The following TECPR2 variants were observed in gnomAD, a reference collection of about 807,000 sequenced individuals.
TECPR2 encodes the protein tectonin beta-propeller repeat containing 2.
A neutral mutation model predicts 138.1 loss-of-function variants in TECPR2; 65 were observed. That is an observed-to-expected ratio of 0.47 (90% CI 0.39 to 0.58). The LOEUF (loss-of-function observed/expected upper bound fraction) is 0.58, where lower values mean the gene tolerates loss of function less well. Ranked by LOEUF, TECPR2 falls within the 20% of genes least tolerant of loss-of-function variation. TECPR2 has a pLI of 0.00. For synonymous variants in TECPR2, 746 were observed against 749.8 expected (o/e 0.99, Z 0.08); for missense variants, 1,553 against 1,824.5 (o/e 0.85, Z 2.71).
At position 102,496,988 on chromosome 14, in the gene TECPR2, G is replaced by T; in HGVS notation, c.3799G>T (p.Val1267Phe). ...MIEPPVQPAG[V>F]SLVSVHSSPN... ...CCCTTCCCGCTTCCAGCCCGCCGGG[G>T]TCAGCTTGGTCAGCGTCCATTCCAG... The change falls in exon 18 of 20, where the codon GTC (valine) becomes TTC (phenylalanine). Residue 1267 changes from valine (V) to phenylalanine (F), a missense_variant. Transcript: ENST00000359520. 5 of 1,613,940 alleles carry T rather than the reference G, an allele frequency of 3.1e-6. No homozygotes were observed. Among genetic ancestry groups the T allele is most frequent in the Non-Finnish European group, 3.4e-6 (4 of 1,179,982 alleles).
Position 102,432,118 on chromosome 14 carries a change from G to A in TECPR2, c.1407G>A (p.Lys469=), listed in dbSNP as rs1266739386. 3 of 1,579,086 alleles carry A rather than the reference G, an allele frequency of 1.9e-6. No homozygotes were observed. Among genetic ancestry groups the A allele is most frequent in the Middle Eastern group, 3.4e-4 (2 of 5,942 alleles). The change falls in exon 8 of 20, where the codon AAG becomes AAA. Residue 469 remains lysine (K), a synonymous_variant. Coordinates refer to ENST00000359520, the MANE Select transcript of TECPR2 (RefSeq NM_014844.5). Reference sequence around the variant, plus strand: ...TCAAAGTGAAAAGGAAGAAGAAGAAGAAGAAGACAGGTACCCTCTGTAGCT... The same window carrying A: ...TCAAAGTGAAAAGGAAGAAGAAGAAAAAGAAGACAGGTACCCTCTGTAGCT... ...KPIKVKRKKK[K]KKTEGGSRST...
chr14:102,375,539 C>T (rs1259875171), intron 1 of TECPR2, among the ~76,000 whole-genome samples: 1 of 152,052 alleles, frequency 6.6e-6, no homozygotes, highest in South Asian at 2.1e-4. Flanking sequence ...GGGGTGAGAA[C>T]GAGCTGGATT....
chr14:102,392,702 A>G (rs980382299), intron 2 of TECPR2, among the ~76,000 whole-genome samples: 2 of 152,200 alleles, frequency 1.3e-5, no homozygotes, highest in Non-Finnish European at 2.9e-5. Context: ...AATTACGAGC[A>G]ATGTGGCTGA....
At chr14:102,410,085 A>C (rs2139696512) in intron 4 of TECPR2, among the ~76,000 whole-genome samples, 1 of 152,320 alleles carries the variant, frequency 6.6e-6, no homozygotes, top group South Asian at 2.1e-4. Context: ...CTGGGATTAC[A>C]GGCGTGAGCC....
chr14:102,380,134 G>A (rs571844874), intron 2 of TECPR2, among the ~76,000 whole-genome samples: 3 of 148,350 alleles, frequency 2.0e-5, no homozygotes, highest in African/African-American at 7.5e-5. Flanking sequence ...CATGCACAGA[G>A]GCGTCCTGGT....
chr14:102,385,315 G>A (rs539404277), intron 2 of TECPR2, among the ~76,000 whole-genome samples: 1 of 152,040 alleles, frequency 6.6e-6, no homozygotes, highest in Non-Finnish European at 1.5e-5. Flanking sequence ...ATTCATGAGG[G>A]ATCTACCCCC....
intron 16 of TECPR2, among the ~76,000 whole-genome samples, chr14:102,462,059 A>T (rs1426747535): frequency 6.6e-6 from 1 of 151,974 alleles, no homozygotes; most frequent in African/African-American, 2.4e-5. Flanking sequence ...GTAGTCTTTT[A>T]TATGTGTTCT....
Position 102,452,641 on chromosome 14 carries a change from G to T in TECPR2, c.3640+14G>T, listed in dbSNP as rs780827549. 88 of 1,561,944 alleles carry T rather than the reference G, an allele frequency of 5.6e-5. No individual in the cohort carries two copies. Among genetic ancestry groups the T allele is most frequent in the Admixed American group, 7.5e-5 (4 of 53,106 alleles). On this transcript the variant is annotated intron_variant, in intron 16 of 19. Coordinates refer to ENST00000359520, the MANE Select transcript of TECPR2 (RefSeq NM_014844.5). ...TCTCCCAGCTAGGTACGGCCACCTC[G>T]TGAGTACACCTGCCGGTGCCCTGAC...
chr14:102,431,842 G>A lies in TECPR2; in HGVS notation c.1131G>A (p.Val377=), dbSNP rs1221063069. ...CTGGATGCTCAGAGCGTGTCCACGT[G>A]CAGCAAGCGGAGAAGCTGCCAGGGG... is the stretch of plus-strand genomic sequence containing the variant. ...EMSGCSERVH[V]QQAEKLPGAT... The change falls in exon 8 of 20, where the codon GTG becomes GTA. Residue 377 remains valine, a synonymous_variant. Transcript: ENST00000359520. 2.5e-6 allele frequency: 4 copies of A among 1,597,808 alleles called. No homozygotes were observed. The highest frequency in any genetic ancestry group is 3.4e-6 in the Non-Finnish European group (4 of 1,167,102).
intron 2 of TECPR2, among the ~76,000 whole-genome samples, chr14:102,384,844 T>TC (rs1887951612): frequency 7.1e-6 from 1 of 141,426 alleles, no homozygotes; most frequent in South Asian, 2.2e-4. Context: ...TCTTTTCCTT[T>TC]CCTTTTTTTT....
chr14:102,387,054 G>T (rs1431994185), intron 2 of TECPR2, among the ~76,000 whole-genome samples: 1 of 152,172 alleles, frequency 6.6e-6, no homozygotes, highest in African/African-American at 2.4e-5. Flanking sequence ...GAAAGTTAAA[G>T]ATGCATTAAC....
intron 7 of TECPR2, among the ~76,000 whole-genome samples, chr14:102,430,029 C>T (rs917044221): frequency 6.6e-6 from 1 of 152,006 alleles, no homozygotes. Context: ...TGCAGTGGTG[C>T]AGTCTCTGGT....
chr14:102,384,668 C>T (rs1220538804), intron 2 of TECPR2, among the ~76,000 whole-genome samples: 9 of 132,760 alleles, frequency 6.8e-5, no homozygotes, highest in African/African-American at 1.6e-4. Flanking sequence ...TGGAGCAAGA[C>T]ACCACCTCAA....
At chr14:102,437,940 C>T (rs2075443918) in intron 9 of TECPR2, 82 bp from the exon 10 acceptor site, 1 of 1,485,872 alleles carries the variant, frequency 6.7e-7, no homozygotes, top group Non-Finnish European at 9.1e-7. Context: ...TAATGATATC[C>T]TCTCACCTTT....
rs545976400 is a variant in TECPR2, at chr14:102,392,909, C to G, written c.220-14429C>G. On this transcript the variant is annotated intron_variant, in intron 2 of 19. Coordinates refer to ENST00000359520, the MANE Select transcript of TECPR2 (RefSeq NM_014844.5). ...TGGGGCAGGCTTATGATGACACATT[C>G]TTCGGAAAGATTCTTTTTTATTCGT... 8.5e-5 allele frequency among the ~76,000 whole-genome samples: 13 copies of G among 152,310 alleles called. No individual in the cohort carries two copies. The East Asian group carries it at 2.5e-3, about 29-fold the overall frequency.
intron 1 of TECPR2, among the ~76,000 whole-genome samples, chr14:102,366,381 C>CTT (rs2139645140): frequency 6.6e-6 from 1 of 152,288 alleles, no homozygotes; most frequent in Admixed American, 6.5e-5. Context: ...AAATATCACT[C>CTT]TGTCACCCAG....
chr14:102,470,836 T>C (rs1181647857), intron 17 of TECPR2, among the ~76,000 whole-genome samples: 1 of 137,230 alleles, frequency 7.3e-6, no homozygotes, highest in Middle Eastern at 3.8e-3. Flanking sequence ...TTTTTTTTTT[T>C]GAGACGGAGT....
In TECPR2 at chr14:102,408,301, A is replaced by G. The variant is rs192855521; in HGVS notation, c.349-187A>G. Among the ~76,000 whole-genome samples, 247 of 152,270 alleles carry G rather than the reference A, an allele frequency of 1.6e-3. 1 individual carries two copies. The Middle Eastern group carries it at 0.024, about 15-fold the overall frequency. ...CATTTTTGCTTAATATTCTCAAGGT[A>G]TGCTCTCTGTGGGTTTTGAAGGTGA... On this transcript the variant is annotated intron_variant, in intron 3 of 19. Coordinates refer to ENST00000359520, the MANE Select transcript of TECPR2 (RefSeq NM_014844.5).
chr14:102,453,903 C>T (rs1344865732), intron 16 of TECPR2, among the ~76,000 whole-genome samples: 1 of 151,582 alleles, frequency 6.6e-6, no homozygotes, highest in African/African-American at 2.4e-5. Context: ...AATCCCAGCA[C>T]TTTGGGAGGC....
Sources: allele counts gnomAD v4.1 joint callset (sites outside exome capture counted in the v4.1 genomes callset), GRCh38; gene constraint gnomAD v4.1.1; transcripts MANE v1.5; gene names NCBI Gene and HGNC (gene_info 2026-07-23, HGNC 2026-07-21).